Variants in PCDHGA3 observed in about 807,000 individuals in gnomAD.
PCDHGA3 encodes protocadherin gamma subfamily A, 3, also known as protocadherin gamma-A3.
PCDHGA3 carries 40 observed loss-of-function variants against 58.5 expected under a neutral mutation model. The observed-to-expected ratio is 0.68, with a 90% confidence interval of 0.53 to 0.89. The LOEUF is 0.89. Among genes scored for constraint, PCDHGA3 ranks in the 40% least tolerant of loss-of-function variants. The probability of loss-of-function intolerance (pLI) is 0.00; values close to 1 mark genes in which losing one functional copy is unlikely to be tolerated. For synonymous variants in PCDHGA3, 530 were observed against 525.7 expected (o/e 1.01, Z -0.11); for missense variants, 1,223 against 1,195.9 (o/e 1.02, Z -0.33).
intron 1 of PCDHGA3, among the ~76,000 whole-genome samples, chr5:141,354,011 GT>G (rs1408214396): frequency 1.1e-4 from 17 of 152,190 alleles, no homozygotes; most frequent in African/African-American, 4.1e-4. Flanking sequence ...GTAAATTACT[GT>G]AAGTATTCAT....
At chr5:141,410,803 C>A in intron 1 of PCDHGA3, 11 of 409,880 alleles carry the variant, frequency 2.7e-5, no homozygotes, top group East Asian at 1.2e-4. Context: ...GTTGCTCTAT[C>A]TTTTTGTAAA....
chr5:141,410,318 G>C, intron 1 of PCDHGA3: 6 of 1,613,982 alleles, frequency 3.7e-6, no homozygotes, highest in Non-Finnish European at 5.1e-6. Context: ...CTTCCTCCTC[G>C]CCGTGATTCT....
intron 1 of PCDHGA3, chr5:141,350,612 G>C (rs1232171482): frequency 2.5e-6 from 4 of 1,614,070 alleles, no homozygotes; most frequent in Middle Eastern, 3.3e-4. Context: ...CCACGTGGTT[G>C]TTGTAATCCA....
intron 1 of PCDHGA3, chr5:141,418,560 A>G (rs752240769): frequency 1.2e-6 from 2 of 1,614,034 alleles, no homozygotes; most frequent in Non-Finnish European, 1.7e-6. Context: ...CTGGTAATAG[A>G]TGCCAATGAC....
At chr5:141,421,564 G>C in intron 1 of PCDHGA3, 1 of 1,613,982 alleles carries the variant, frequency 6.2e-7, no homozygotes, top group Non-Finnish European at 8.5e-7. Context: ...TCTCGTGGAA[G>C]ACACCTTGAA....
rs368232567 is a variant in PCDHGA3, at chr5:141,371,262, C to G, written c.2424+24805C>G. The G allele has an allele frequency of 2.9e-5, 46 of 1,613,882 alleles. No individual in the cohort carries two copies. The African/African-American group carries it at 5.6e-4, about 20-fold the overall frequency. On this transcript the variant is annotated intron_variant, in intron 1 of 3. Transcript: ENST00000253812. ...CATCAATATTGGCAAGGAAGTGAGACAACTGTTCAAGCTGGACAGTAAAAC... is the reference window on the plus strand; with the variant it reads ...CATCAATATTGGCAAGGAAGTGAGAGAACTGTTCAAGCTGGACAGTAAAAC...
rs73280340 is a variant in PCDHGA3, at chr5:141,473,067, G to A, written c.2425-21740G>A. On this transcript the variant is annotated intron_variant, in intron 1 of 3. Transcript: ENST00000253812. ...GAAAGAAGTGATACAACAAGTTACA[G>A]CATCTTTGTTTATTATCCACTGTGA... Among the ~76,000 whole-genome samples the A allele has an allele frequency of 5.6e-3, 854 of 152,054 alleles. 5 individuals are homozygous for A. The highest frequency in any genetic ancestry group is 0.019 in the African/African-American group (798 of 41,456).
chr5:141,352,628 GA>G (rs1561503837), intron 1 of PCDHGA3: 4 of 1,611,516 alleles, frequency 2.5e-6, no homozygotes, highest in Non-Finnish European at 3.4e-6. Flanking sequence ...TGCCAGTAAT[GA>G]AGATCACAAA....
rs2099730037 is a variant in PCDHGA3 at position 141,491,783 on chromosome 5, A to G, written c.2425-3024A>G. The G allele has an allele frequency of 1.3e-6, 2 of 1,539,618 alleles. No homozygotes were observed. The highest frequency in any genetic ancestry group is 2.2e-5 in the Admixed American group (1 of 46,412). On this transcript the variant is annotated intron_variant, in intron 1 of 3. Transcript: ENST00000253812. The surrounding 1 kb of genome is among the most constrained non-coding windows in gnomAD (Gnocchi z 6.9). ...CGTCCTCATAAGGGATTGAACTTGC[A>G]TCCACTCCTCTCCGGCCGGCTTGGT...
At chr5:141,410,006 G>A (rs1201569227) in intron 1 of PCDHGA3, 8 of 1,613,156 alleles carry the variant, frequency 5.0e-6, no homozygotes, top group Non-Finnish European at 5.9e-6. Context: ...GGGACACAAC[G>A]CCTGGCTGTC....
At chr5:141,366,199 G>C (rs1764397175) in intron 1 of PCDHGA3, 1 of 1,613,876 alleles carries the variant, frequency 6.2e-7, no homozygotes, top group Non-Finnish European at 8.5e-7. Flanking sequence ...GGCTGCACAC[G>C]GGCGAGGTGC....
chr5:141,429,416 T>C (rs527999196), intron 1 of PCDHGA3, among the ~76,000 whole-genome samples: 1 of 152,230 alleles, frequency 6.6e-6, no homozygotes, highest in Admixed American at 6.5e-5. Flanking sequence ...GGTCTCATTA[T>C]GTTGCCCAGG....
intron 1 of PCDHGA3, chr5:141,385,537 T>A (rs1486400401): frequency 1.5e-6 from 2 of 1,341,418 alleles, no homozygotes; most frequent in Non-Finnish European, 1.9e-6. Flanking sequence ...ATTATGAATA[T>A]GTGGACTATC....
intron 1 of PCDHGA3, chr5:141,478,935 A>G: frequency 1.6e-6 from 1 of 638,574 alleles, no homozygotes. Flanking sequence ...GGCAGCTTCT[A>G]GGAATACAAA....
At chr5:141,359,202 T>C (rs115467151) in intron 1 of PCDHGA3, among the ~76,000 whole-genome samples, 2 of 152,140 alleles carry the variant, frequency 1.3e-5, no homozygotes, top group African/African-American at 4.8e-5. Context: ...CAAGTGAATG[T>C]TGAGAGACAA....
intron 1 of PCDHGA3, chr5:141,372,079 T>C: frequency 6.2e-7 from 1 of 1,613,698 alleles, no homozygotes; most frequent in East Asian, 2.2e-5. Flanking sequence ...GCACCGCTGG[T>C]GCTGTACCCA....
chr5:141,414,684 AC>A (rs1561750824), intron 1 of PCDHGA3: 1 of 1,613,924 alleles, frequency 6.2e-7, no homozygotes, highest in Admixed American at 1.7e-5. Flanking sequence ...TCCAGGGGGT[AC>A]CTCTGTCCTC....
At chr5:141,380,354 T>G (rs1776410216) in intron 1 of PCDHGA3, among the ~76,000 whole-genome samples, 1 of 152,154 alleles carries the variant, frequency 6.6e-6, no homozygotes, top group Admixed American at 6.5e-5. Context: ...TTGTTGTTTG[T>G]TTTTTAGAAA....
In PCDHGA3 at chr5:141,395,514, C is replaced by T. The variant is rs138744897; in HGVS notation, c.2424+49057C>T. 1.1e-3 allele frequency: 455 copies of T among 421,180 alleles called. 7 individuals carry two copies. The highest frequency in any genetic ancestry group is 8.9e-3 in the African/African-American group (432 of 48,430). The allele number at this position is 421,180 out of a possible 1,614,324, so 26.1% of individuals were successfully genotyped here. ...ACTCATTCACTTAAGAAGTAGCTAC[C>T]CGTCCATACTGGTAATTTTGCTATT... On this transcript the variant is annotated intron_variant, in intron 1 of 3. Transcript: ENST00000253812.
Sources: allele counts gnomAD v4.1 joint callset (sites outside exome capture counted in the v4.1 genomes callset), GRCh38; gene constraint gnomAD v4.1.1; non-coding constraint Gnocchi (gnomAD v3.1); transcripts MANE v1.5; gene names NCBI Gene and HGNC (gene_info 2026-07-23, HGNC 2026-07-21).